The following UPF2 variants were observed in gnomAD, a reference collection of about 807,000 sequenced individuals.
UPF2 encodes UPF2 regulator of nonsense mediated mRNA decay, also known as regulator of nonsense transcripts 2.
Under a neutral mutation model 141.4 loss-of-function variants are expected in UPF2, and 17 were observed. The observed-to-expected ratio is 0.12, with a 90% CI of 0.08 to 0.18. UPF2 has a LOEUF of 0.18. Ranked by LOEUF, UPF2 falls within the 10% of genes least tolerant of loss-of-function variation. UPF2 has a pLI of 1.00. For synonymous variants in UPF2, 540 were observed against 498.0 expected (o/e 1.08, Z -1.12); for missense variants, 1,152 against 1,515.9 (o/e 0.76, Z 3.99).
chr10:12,014,479 G>C lies in UPF2; in HGVS notation c.1146-295C>G, dbSNP rs956528616. Among the ~76,000 whole-genome samples, 1 of 151,970 alleles carries C rather than the reference G, an allele frequency of 6.6e-6. No homozygotes were observed. Among genetic ancestry groups the C allele is most frequent in the African/African-American group, 2.4e-5 (1 of 41,376 alleles). On this transcript the variant is annotated intron_variant, in intron 3 of 21. Coordinates refer to ENST00000357604, the MANE Select transcript of UPF2 (RefSeq NM_015542.4). The surrounding 1 kb of genome is among the most constrained non-coding windows in gnomAD (Gnocchi z 5.0). ...TTAAATTATTCAGTATTTTATTACAGTCACACTCTTCTCAGATATAGAGTT... is the reference window on the plus strand; with the variant it reads ...TTAAATTATTCAGTATTTTATTACACTCACACTCTTCTCAGATATAGAGTT...
At chr10:11,970,744 G>A (rs1407919643) in intron 9 of UPF2, among the ~76,000 whole-genome samples, 1 of 152,138 alleles carries the variant, frequency 6.6e-6, no homozygotes, top group East Asian at 1.9e-4. Context: ...CCTGGGACGG[G>A]GAGGTTGCAG....
intron 21 of UPF2, among the ~76,000 whole-genome samples, chr10:11,924,493 A>C (rs978131041): frequency 2.6e-5 from 4 of 151,858 alleles, no homozygotes; most frequent in Non-Finnish European, 4.4e-5. Context: ...CAGAAGAATC[A>C]CTTGAACCCA....
At chr10:11,929,702 T>C (rs367731272) in intron 21 of UPF2, among the ~76,000 whole-genome samples, 163 bp downstream of exon 21, 8 of 152,292 alleles carry the variant, frequency 5.3e-5, no homozygotes, top group African/African-American at 1.9e-4. Context: ...AGCAGGTTTT[T>C]CCCCCTCAAA....
At chr10:11,994,112 G>C (rs1833826822) in intron 8 of UPF2, among the ~76,000 whole-genome samples, 1 of 151,892 alleles carries the variant, frequency 6.6e-6, no homozygotes, top group Admixed American at 6.6e-5. Context: ...AAAGAACAAA[G>C]CCAAAAATAA....
intron 9 of UPF2, among the ~76,000 whole-genome samples, chr10:11,978,397 A>G (rs571728128): frequency 7.2e-5 from 11 of 152,196 alleles, no homozygotes; most frequent in African/African-American, 2.6e-4. Context: ...TTTCCCCACT[A>G]TCAAGCCTGT....
intron 5 of UPF2, among the ~76,000 whole-genome samples, chr10:12,004,303 CAATT>C (rs1833999638): frequency 6.6e-6 from 1 of 152,134 alleles, no homozygotes; most frequent in Non-Finnish European, 1.5e-5. Flanking sequence ...AAACACTTTC[CAATT>C]AATTCACATT....
At chr10:11,985,615 C>G (rs1833676130) in intron 8 of UPF2, among the ~76,000 whole-genome samples, 1 of 145,668 alleles carries the variant, frequency 6.9e-6, no homozygotes, top group African/African-American at 2.5e-5. Flanking sequence ...AGCAAGAGTC[C>G]GTCTCCAAAA....
In UPF2 at chr10:12,029,224, A is replaced by G; in HGVS notation, c.666T>C (p.Ala222=). Residue 222 remains alanine (A), a synonymous_variant, in exon 3 of 22, where the codon GCT becomes GCC. Transcript: ENST00000357604. ...GGTGAAAGAGAGAGCAGAGGTGCAC[A>G]GCACAGTTCACATCAGAGATTTTTA... is the stretch of plus-strand genomic sequence containing the variant. ...AKLKISDVNC[A]VHLCSLFHQR... is the part of the protein sequence containing the mutation. The G allele has an allele frequency of 1.2e-6, 2 of 1,614,216 alleles. No individual in the cohort carries two copies. Among genetic ancestry groups the G allele is most frequent in the South Asian group, 1.1e-5 (1 of 91,088 alleles).
rs1320831810 is a variant in UPF2, at chr10:12,042,203, T to C, written c.-19+552A>G. Among the ~76,000 whole-genome samples the C allele has an allele frequency of 9.2e-5, 13 of 141,450 alleles. No homozygotes were observed. The highest frequency in any genetic ancestry group is 3.5e-4 in the African/African-American group (13 of 37,310). The allele number at this position is 141,450 out of a possible 152,430, so 92.8% of individuals were successfully genotyped here. On this transcript the variant is annotated intron_variant, in intron 1 of 21. Transcript: ENST00000357604. This position sits in a 1 kb window ranked among gnomAD's most constrained non-coding sequence, Gnocchi z 5.5. ...GTAGGAACCTCTAAACCCACCACAC[T>C]TCCCCGACACAACTCCCCTTCCCAC...
chr10:12,028,686 CA>C, intron 3 of UPF2, 58 bp downstream of exon 3: 1 of 1,497,316 alleles, frequency 6.7e-7, no homozygotes, highest in Non-Finnish European at 8.9e-7. Context: ...AGACTTTAAA[CA>C]TTTTTAAGTA....
chr10:12,009,524 A>G (rs962362349), intron 4 of UPF2, among the ~76,000 whole-genome samples: 3 of 152,236 alleles, frequency 2.0e-5, no homozygotes, highest in East Asian at 3.8e-4. Context: ...ATAACTAAAG[A>G]TTCAAGCAAA....
chr10:11,991,928 C>A (rs1342584332), intron 8 of UPF2, among the ~76,000 whole-genome samples: 1 of 149,000 alleles, frequency 6.7e-6, no homozygotes, highest in Non-Finnish European at 1.5e-5. Context: ...AGCGGATCAC[C>A]TGAGGTCCAG....
chr10:11,986,153 G>T (rs1833688868), intron 8 of UPF2, among the ~76,000 whole-genome samples: 1 of 151,720 alleles, frequency 6.6e-6, no homozygotes, highest in Non-Finnish European at 1.5e-5. Context: ...CAAAGTGCTG[G>T]GATTACAGGC....
rs1162537982 is a variant in UPF2, at chr10:11,948,486, T to A, written c.3057A>T (p.Ser1019=). ...TTTCTCCTTCTGTCATAGAATCTTT[T>A]GAGTCTTTGTCATTTACTAGGCCTT... is the stretch of plus-strand genomic sequence containing the variant. The part of the protein sequence containing the change: ...IKLGLVNDKD[S]KDSMTEGENL... Residue 1019 remains serine (S), a synonymous_variant, in exon 16 of 22, where the codon TCA becomes TCT. Transcript: ENST00000357604. The A allele has an allele frequency of 6.2e-7, 1 of 1,612,950 alleles. No individual in the cohort carries two copies. The highest frequency in any genetic ancestry group is 1.3e-5 in the African/African-American group (1 of 75,046).
rs1832897282 is a variant in UPF2 at position 11,938,868 on chromosome 10, T to TTTTTTTTTTTTTTTTTTTTTTTTTTG, written c.3379-2157_3379-2156insCAAAAAAAAAAAAAAAAAAAAAAAAA. On this transcript the variant is annotated intron_variant, in intron 18 of 21. Coordinates refer to ENST00000357604, the MANE Select transcript of UPF2 (RefSeq NM_015542.4). ...TTTTTTTTTTGTTTTTTTTTTTTTT[T>TTTTTTTTTTTTTTTTTTTTTTTTTTG]TTTTTTTTTTTTTTGGAGACGGAGT... is the stretch of plus-strand genomic sequence containing the variant. Among the ~76,000 whole-genome samples, 24 of 90,852 alleles carry TTTTTTTTTTTTTTTTTTTTTTTTTTG rather than the reference T, an allele frequency of 2.6e-4. 1 individual carries two copies. The highest frequency in any genetic ancestry group is 3.7e-4 in the Admixed American group (3 of 8,078). The allele number at this position is 90,852 out of a possible 152,430, so 59.6% of individuals were successfully genotyped here.
intron 8 of UPF2, among the ~76,000 whole-genome samples, chr10:11,995,558 G>T (rs938275848): frequency 2.0e-5 from 3 of 152,150 alleles, no homozygotes; most frequent in African/African-American, 7.2e-5. Flanking sequence ...GCTGAGGCAG[G>T]CGGATCACGA....
At chr10:11,948,175 G>T (rs896159916) in intron 16 of UPF2, among the ~76,000 whole-genome samples, 194 bp downstream of exon 16, 1 of 148,568 alleles carries the variant, frequency 6.7e-6, no homozygotes, top group South Asian at 2.1e-4. Flanking sequence ...TTGAACCCAG[G>T]AGGCAGAGGT....
At chr10:11,934,820 C>T (rs1366498855) in intron 19 of UPF2, among the ~76,000 whole-genome samples, 1 of 152,132 alleles carries the variant, frequency 6.6e-6, no homozygotes, top group Admixed American at 6.6e-5. Flanking sequence ...GAATCCCTGA[C>T]CTTGTGATCC....
Position 11,979,278 on chromosome 10 carries a change from A to G in UPF2, c.1845-113T>C, listed in dbSNP as rs1833555055. On this transcript the variant is annotated intron_variant, in intron 8 of 21. Coordinates refer to ENST00000357604, the MANE Select transcript of UPF2 (RefSeq NM_015542.4). The surrounding 1 kb of genome is among the most constrained non-coding windows in gnomAD (Gnocchi z 6.2). ...ACATTAAATGATCTTAAAACTCATAATCATACAGACATGCCTATTTATTGC... is the reference window on the plus strand; with the variant it reads ...ACATTAAATGATCTTAAAACTCATAGTCATACAGACATGCCTATTTATTGC... 5.9e-6 allele frequency: 4 copies of G among 681,168 alleles called. No homozygotes were observed. The highest frequency in any genetic ancestry group is 9.6e-6 in the Non-Finnish European group (4 of 418,168). 42.2% of individuals were successfully genotyped at this position (681,168 alleles called of 1,614,324 possible).
Sources: gnomAD v4.1 joint callset for allele counts (sites outside exome capture counted in the v4.1 genomes callset) on GRCh38, gnomAD v4.1.1 for gene constraint, Gnocchi (gnomAD v3.1) non-coding constraint, MANE v1.5 for transcripts, NCBI Gene and HGNC (gene_info 2026-07-23, HGNC 2026-07-21) for gene names.